Variants in MTRES1 observed in about 807,000 individuals in gnomAD.
MTRES1 encodes the protein mitochondrial transcription rescue factor 1, also known as uncharacterized protein C6orf203.
MTRES1 carries 11 observed loss-of-function variants against 17.4 expected under a neutral mutation model. That is an observed-to-expected ratio of 0.63 (90% CI 0.40 to 1.05). The LOEUF is 1.05. Among genes scored for constraint, MTRES1 ranks in the 50% least tolerant of loss-of-function variants. The pLI, the probability that MTRES1 is intolerant of heterozygous loss-of-function variation, is 0.00. For synonymous variants in MTRES1, 94 were observed against 99.6 expected (o/e 0.94, Z 0.34); for missense variants, 268 against 276.2 (o/e 0.97, Z 0.21).
At position 107,047,185 on chromosome 6, in the gene MTRES1, C is replaced by T. The variant is rs185646305; in HGVS notation, c.543+2853C>T. On this transcript the variant is annotated intron_variant, in intron 3 of 3. Transcript: ENST00000311381. ...CACAGTATCTCTATGAAAGGATATA[C>T]ACAGAGTATCCTTTTCTTTGTATAT... Among the ~76,000 whole-genome samples the T allele has an allele frequency of 2.6e-3, 390 of 152,184 alleles. 1 individual carries two copies. Among genetic ancestry groups the T allele is most frequent in the Non-Finnish European group, 4.7e-3 (319 of 68,014 alleles).
At chr6:107,039,331 A>T (rs1774109249) in intron 1 of MTRES1, among the ~76,000 whole-genome samples, 1 of 151,124 alleles carries the variant, frequency 6.6e-6, no homozygotes, top group Admixed American at 6.6e-5. Context: ...GGTTTTTTTT[A>T]ATTTTGGGAT....
chr6:107,039,867 G>A lies in MTRES1; in HGVS notation c.107G>A (p.Cys36Tyr), dbSNP rs782017645. Residue 36 changes from cysteine (C) to tyrosine (Y), a missense_variant, in exon 2 of 4, where the codon TGT becomes TAT. Transcript: ENST00000311381. ...GGGACACCTTCATCATACAAACTCT[G>A]TACTTCCTGGAATCGATACTTGTAT... is the stretch of plus-strand genomic sequence containing the variant. Reference protein sequence around the residue: ...LRGTPSSYKLCTSWNRYLYFS... With the variant: ...LRGTPSSYKLYTSWNRYLYFS... 8 of 1,613,972 alleles carry A rather than the reference G, an allele frequency of 5.0e-6. No individual in the cohort carries two copies. Among genetic ancestry groups the A allele is most frequent in the Admixed American group, 1.7e-5 (1 of 59,960 alleles).
intron 1 of MTRES1, among the ~76,000 whole-genome samples, chr6:107,034,982 C>T (rs1254234306): frequency 6.6e-6 from 1 of 151,226 alleles, no homozygotes; most frequent in African/African-American, 2.4e-5. Context: ...AGTGAATCTC[C>T]GTCTTAAAAA....
chr6:107,040,388 A>G, intron 2 of MTRES1, 158 bp downstream of exon 2: 1 of 562,182 alleles, frequency 1.8e-6, no homozygotes, highest in Non-Finnish European at 2.8e-6. Flanking sequence ...TAGATGAGCA[A>G]ACTGATTTCC....
chr6:107,045,483 CAAAAA>C (rs61396424), intron 3 of MTRES1, among the ~76,000 whole-genome samples: 2 of 132,016 alleles, frequency 1.5e-5, no homozygotes, highest in African/African-American at 5.5e-5. Flanking sequence ...GACTTCGTCT[CAAAAA>C]AAAAAAAAAA....
intron 2 of MTRES1, among the ~76,000 whole-genome samples, chr6:107,041,548 C>T (rs926867727): frequency 1.3e-5 from 2 of 151,816 alleles, no homozygotes; most frequent in South Asian, 2.1e-4. Context: ...TTTTTTGAGA[C>T]GGAGTCTTGC....
chr6:107,043,200 G>T (rs1185832305), intron 2 of MTRES1, among the ~76,000 whole-genome samples: 1 of 152,130 alleles, frequency 6.6e-6, no homozygotes, highest in Admixed American at 6.5e-5. Context: ...CAGGCGTGGT[G>T]GCGGGCGCCT....
At chr6:107,042,339 CAAAAA>C (rs58406771) in intron 2 of MTRES1, among the ~76,000 whole-genome samples, 2 of 98,726 alleles carry the variant, frequency 2.0e-5, no homozygotes, top group Non-Finnish European at 3.8e-5. Flanking sequence ...GACTCCGTCT[CAAAAA>C]AAAAAAAAAA....
intron 2 of MTRES1, among the ~76,000 whole-genome samples, chr6:107,041,719 G>A (rs983517261): frequency 1.3e-5 from 2 of 151,744 alleles, no homozygotes; most frequent in East Asian, 2.0e-4. Context: ...TAGTAGAGAC[G>A]GGATTTCACT....
Position 107,041,348 on chromosome 6 carries a change from T to C in MTRES1, c.470+1118T>C, listed in dbSNP as rs535726930. ...ACCCTCAGTTTTCTCATCTGTAAAA[T>C]GAAGATGACAGAACCTAGTTTAGAG... On this transcript the variant is annotated intron_variant, in intron 2 of 3. Coordinates refer to ENST00000311381, the MANE Select transcript of MTRES1 (RefSeq NM_016487.5). Among the ~76,000 whole-genome samples the C allele has an allele frequency of 1.4e-4, 18 of 128,754 alleles. No homozygotes were observed. The South Asian group carries it at 4.7e-3, about 34-fold the overall frequency. The allele number at this position is 128,754 out of a possible 152,430, so 84.5% of individuals were successfully genotyped here. A position where few individuals can be genotyped will look rare whatever the true frequency, so the allele number is the denominator to read the frequency against.
chr6:107,047,255 C>T (rs527453739), intron 3 of MTRES1, among the ~76,000 whole-genome samples: 1 of 151,510 alleles, frequency 6.6e-6, no homozygotes. Flanking sequence ...CAGTGTCTTG[C>T]TCGGTTACCC....
chr6:107,047,259 G>A (rs1483731119), intron 3 of MTRES1, among the ~76,000 whole-genome samples: 17 of 151,630 alleles, frequency 1.1e-4, no homozygotes, highest in Admixed American at 1.1e-3. Context: ...GTCTTGCTCG[G>A]TTACCCAGGC....
intron 3 of MTRES1, among the ~76,000 whole-genome samples, chr6:107,049,133 G>A (rs1435321597): frequency 2.6e-5 from 4 of 152,182 alleles, no homozygotes; most frequent in Non-Finnish European, 5.9e-5. Flanking sequence ...TGGGGAGGTT[G>A]AAAGGTTTCA....
At chr6:107,035,575 T>C (rs1436934226) in intron 1 of MTRES1, among the ~76,000 whole-genome samples, 1 of 152,210 alleles carries the variant, frequency 6.6e-6, no homozygotes, top group Non-Finnish European at 1.5e-5. Context: ...TAATTATTTT[T>C]CTTCAGATTT....
rs1582613371 is a variant in MTRES1 at position 107,044,321 on chromosome 6, A to G, written c.532A>G (p.Lys178Glu). ...GCTGAATGAGGAAAAATTATGGAAG[A>G]AAAGCAGAACGGTGAGATACTAACC... ...LRLNEEKLWK[K>E]SRTVKVGDTL... The change falls in exon 3 of 4, where the codon AAA (lysine) becomes GAA (glutamate). Residue 178 changes from lysine to glutamate, a missense_variant. Physicochemically the swap from Lys to Glu is moderately conservative, Grantham distance 56. Transcript: ENST00000311381. 1 of 1,613,186 alleles carries G rather than the reference A, an allele frequency of 6.2e-7. No homozygotes were observed. Among genetic ancestry groups the G allele is most frequent in the East Asian group, 2.2e-5 (1 of 44,874 alleles).
chr6:107,039,751 T>C lies in MTRES1; in HGVS notation c.-10T>C, dbSNP rs782821024. ...AACTGATTTATTATCTGTTTCAGAT[T>C]ATAAGCGCCATGGCTATGGCTAGTG... is the stretch of plus-strand genomic sequence containing the variant. On this transcript the variant is annotated splice_region_variant and 5_prime_UTR_variant, in exon 2 of 4. Transcript: ENST00000311381. 1.9e-6 allele frequency: 3 copies of C among 1,584,214 alleles called. No homozygotes were observed. The highest frequency in any genetic ancestry group is 2.6e-6 in the Non-Finnish European group (3 of 1,171,168).
intron 1 of MTRES1, 83 bp from the exon 2 acceptor site, chr6:107,039,666 C>T (rs192794319): frequency 8.6e-6 from 12 of 1,397,870 alleles, no homozygotes; most frequent in Admixed American, 2.6e-5. Flanking sequence ...GTACATAAAG[C>T]GTTCATAGTG....
At chr6:107,028,834 C>T in intron 1 of MTRES1, 1 of 973,980 alleles carries the variant, frequency 1.0e-6, no homozygotes, top group Non-Finnish European at 1.2e-6. Flanking sequence ...GAAGATGTCA[C>T]CCAAAACCTC....
Position 107,040,076 on chromosome 6 carries a change from T to A in MTRES1, c.316T>A (p.Ser106Thr). 6.2e-7 allele frequency: 1 copy of A among 1,613,782 alleles called. No homozygotes were observed. The change falls in exon 2 of 4, where the codon TCT becomes ACT. Residue 106 changes from serine to threonine, a missense_variant. Transcript: ENST00000311381. ...TCTGCAAAAAGTAGATGAAGAGGACTCTGATGAAGAAAGCCATCATGATGA... is the reference window on the plus strand; with the variant it reads ...TCTGCAAAAAGTAGATGAAGAGGACACTGATGAAGAAAGCCATCATGATGA... Reference protein sequence around the residue: ...KSLQKVDEEDSDEESHHDEMS... With the variant: ...KSLQKVDEEDTDEESHHDEMS...
Sources: gnomAD v4.1 joint callset for allele counts (sites outside exome capture counted in the v4.1 genomes callset) on GRCh38, gnomAD v4.1.1 for gene constraint, MANE v1.5 for transcripts, NCBI Gene and HGNC (gene_info 2026-07-23, HGNC 2026-07-21) for gene names.